Variants in CDR2 observed in about 807,000 individuals in gnomAD.
CDR2 encodes cerebellar degeneration-related protein 2.
CDR2 carries 34 observed loss-of-function variants against 48.4 expected under a neutral mutation model. The observed-to-expected ratio is 0.70, with a 90% confidence interval of 0.53 to 0.94. The LOEUF is 0.94. CDR2 is among the 40% of genes least tolerant of loss of function. CDR2 has a pLI of 0.00. For missense variants in CDR2, 498 were observed against 549.5 expected (o/e 0.91, Z 0.94); for synonymous variants, 240 against 219.7 (o/e 1.09, Z -0.82).
intron 1 of CDR2, among the ~76,000 whole-genome samples, chr16:22,365,959 G>A (rs1445108727): frequency 6.6e-6 from 1 of 152,156 alleles, no homozygotes; most frequent in Non-Finnish European, 1.5e-5. Context: ...TAGTATTCTT[G>A]TTTAGAGAGA....
chr16:22,370,069 T>C (rs1284273822), intron 1 of CDR2, among the ~76,000 whole-genome samples: 1 of 152,196 alleles, frequency 6.6e-6, no homozygotes, highest in African/African-American at 2.4e-5. Flanking sequence ...TTGCAGGTAA[T>C]AATATATTTT....
chr16:22,346,745 A>G lies in CDR2; in HGVS notation c.*220T>C. On this transcript the variant is annotated 3_prime_UTR_variant, in exon 5 of 5. Transcript: ENST00000268383. The stretch of plus-strand genomic sequence containing the variant: ...CTAATCAGCGCGCCAGCCAGAGGCC[A>G]GTTTGTCATGGGATTTCCTGGGGAG... 8.7e-6 allele frequency: 5 copies of G among 576,994 alleles called. No individual in the cohort carries two copies. The highest frequency in any genetic ancestry group is 1.5e-5 in the Non-Finnish European group (5 of 325,380). 35.7% of individuals were successfully genotyped at this position (576,994 alleles called of 1,614,324 possible).
rs1277387051 is a variant in CDR2 at position 22,374,433 on chromosome 16, C to T, written c.-124G>A. 2.3e-6 allele frequency: 1 copy of T among 428,338 alleles called. No individual in the cohort carries two copies. The highest frequency in any genetic ancestry group is 2.1e-5 in the African/African-American group (1 of 46,936). The allele number at this position is 428,338 out of a possible 1,614,324, so 26.5% of individuals were successfully genotyped here. A position where few individuals can be genotyped will look rare whatever the true frequency, so the allele number is the denominator to read the frequency against. Reference sequence around the variant, plus strand: ...CCCTCGGGCGGGACGCGCCGCCGCCCAGACTCCGCTGCGCCGCCTCAGCCC... The same window carrying T: ...CCCTCGGGCGGGACGCGCCGCCGCCTAGACTCCGCTGCGCCGCCTCAGCCC... On this transcript the variant is annotated 5_prime_UTR_variant, in exon 1 of 5. Transcript: ENST00000268383.
At position 22,374,259 on chromosome 16, in the gene CDR2, C is replaced by A; in HGVS notation, c.51G>T (p.Pro17=). ...GCTGGAGGTCCTGGTGGTCGTACCA[C>A]GGCTCGTCCTCCTTCATCTCAAACT... ...VEEFEMKEDE[P]WYDHQDLQQD... Residue 17 remains proline, a synonymous_variant, in exon 1 of 5, where the codon CCG becomes CCT. Transcript: ENST00000268383. 6.2e-7 allele frequency: 1 copy of A among 1,603,584 alleles called. No individual in the cohort carries two copies. Among genetic ancestry groups the A allele is most frequent in the Non-Finnish European group, 8.5e-7 (1 of 1,175,660 alleles).
intron 4 of CDR2, among the ~76,000 whole-genome samples, chr16:22,348,794 A>AC (rs1442685106): frequency 3.3e-5 from 5 of 152,196 alleles, no homozygotes; most frequent in Non-Finnish European, 5.9e-5. Flanking sequence ...CCGTTCCGTT[A>AC]GACTGAAAGC....
chr16:22,365,878 G>A (rs2049042208), intron 1 of CDR2, among the ~76,000 whole-genome samples: 1 of 152,182 alleles, frequency 6.6e-6, no homozygotes, highest in South Asian at 2.1e-4. Context: ...ACTCTGGGCA[G>A]GTAAGTCTCA....
In CDR2 at chr16:22,364,927, T is replaced by C. The variant is rs1180245192; in HGVS notation, c.167A>G (p.Asn56Ser). 25 of 1,610,612 alleles carry C rather than the reference T, an allele frequency of 1.6e-5. No individual in the cohort carries two copies. Among genetic ancestry groups the C allele is most frequent in the East Asian group, 2.2e-5 (1 of 44,866 alleles). Residue 56 changes from asparagine (N) to serine (S), a missense_variant, in exon 2 of 5, where the codon AAT becomes AGT. Asn to Ser is a conservative substitution (Grantham distance 46). Coordinates refer to ENST00000268383, the MANE Select transcript of CDR2 (RefSeq NM_001802.2). ...EDSVQQMYTT[N>S]QEQLQEIEYL... ...CTCAATTTCCTGTAACTGCTCCTGA[T>C]TGGTTGTATACATCTGCTGAACAGA...
Position 22,346,174 on chromosome 16 carries a change from G to A in CDR2, c.*791C>T, listed in dbSNP as rs1212714638. ...GCAAGTCAGCCAGCTCAGAAAACAG[G>A]TAGGAAGGGAAGGGGTTTGATCTTT... On this transcript the variant is annotated 3_prime_UTR_variant, in exon 5 of 5. Coordinates refer to ENST00000268383, the MANE Select transcript of CDR2 (RefSeq NM_001802.2). 6.6e-6 allele frequency: 1 copy of A among 152,398 alleles called. No homozygotes were observed. The highest frequency in any genetic ancestry group is 1.9e-4 in the East Asian group (1 of 5,206). The allele number at this position is 152,398 out of a possible 1,614,324, so 9.4% of individuals were successfully genotyped here.
intron 2 of CDR2, 82 bp downstream of exon 2, chr16:22,364,820 G>C: frequency 1.3e-6 from 1 of 746,728 alleles, no homozygotes; most frequent in Non-Finnish European, 2.3e-6. Flanking sequence ...CTAATTGCAA[G>C]TGCTTTTTTA....
At chr16:22,357,134 G>A (rs2048980209) in intron 2 of CDR2, among the ~76,000 whole-genome samples, 5 of 151,926 alleles carry the variant, frequency 3.3e-5, no homozygotes, top group Admixed American at 3.3e-4. Flanking sequence ...CTGCAATCTT[G>A]GTCTCCCAGG....
At position 22,349,446 on chromosome 16, in the gene CDR2, G is replaced by A. The variant is rs141391117; in HGVS notation, c.342-3C>T. 109 of 1,614,096 alleles carry A rather than the reference G, an allele frequency of 6.8e-5. No individual in the cohort carries two copies. In the African/African-American group the frequency reaches 1.2e-3, roughly 18 times the overall value. ...GGCATTCAATCGTTTCAGTCAGGCTGTGAGGAACAGACAGAAGCCACTGCT... is the reference window on the plus strand; with the variant it reads ...GGCATTCAATCGTTTCAGTCAGGCTATGAGGAACAGACAGAAGCCACTGCT... On this transcript the variant is annotated splice_polypyrimidine_tract_variant and splice_region_variant and intron_variant, in intron 3 of 4. Coordinates refer to ENST00000268383, the MANE Select transcript of CDR2 (RefSeq NM_001802.2).
chr16:22,362,208 A>G (rs747294275), intron 2 of CDR2, among the ~76,000 whole-genome samples: 1 of 152,140 alleles, frequency 6.6e-6, no homozygotes, highest in Non-Finnish European at 1.5e-5. Context: ...GCTGAATTTT[A>G]TACCTATTTA....
At chr16:22,371,990 C>T (rs1447142472) in intron 1 of CDR2, among the ~76,000 whole-genome samples, 2 of 152,080 alleles carry the variant, frequency 1.3e-5, no homozygotes, top group Non-Finnish European at 2.9e-5. Context: ...CCTGCCTCAG[C>T]CTCCCGAGTA....
intron 2 of CDR2, among the ~76,000 whole-genome samples, chr16:22,363,928 G>A (rs2141851283): frequency 6.6e-6 from 1 of 152,178 alleles, no homozygotes; most frequent in South Asian, 2.1e-4. Flanking sequence ...CTGGGCAAAA[G>A]GTATTATATT....
chr16:22,353,715 C>T (rs901264559), intron 2 of CDR2, among the ~76,000 whole-genome samples: 4 of 152,162 alleles, frequency 2.6e-5, no homozygotes, highest in African/African-American at 9.7e-5. Flanking sequence ...TGTCTTGTCA[C>T]TTCTCTAAAA....
At chr16:22,365,865 T>C (rs943609524) in intron 1 of CDR2, among the ~76,000 whole-genome samples, 1 of 152,184 alleles carries the variant, frequency 6.6e-6, no homozygotes, top group Non-Finnish European at 1.5e-5. Context: ...GGAAATGCAC[T>C]GCACTCTGGG....
intron 2 of CDR2, among the ~76,000 whole-genome samples, chr16:22,356,054 C>A (rs1387450906): frequency 6.6e-6 from 1 of 152,102 alleles, no homozygotes; most frequent in African/African-American, 2.4e-5. Context: ...TGATTTACTG[C>A]CTACATTCAT....
intron 2 of CDR2, among the ~76,000 whole-genome samples, chr16:22,362,987 C>G (rs1156303157): frequency 6.8e-6 from 1 of 148,028 alleles, no homozygotes; most frequent in Non-Finnish European, 1.5e-5. Flanking sequence ...GAGTCTTGCT[C>G]TGTTGCCTAG....
In CDR2 at chr16:22,364,887, T is replaced by TG; in HGVS notation, c.192+14dup. On this transcript the variant is annotated intron_variant, in intron 2 of 4. Transcript: ENST00000268383. ...CGAAGTGTCAAAAGTGTAACTCTCC[T>TG]GCCAAGTGAATTACCTCAATTTCCT... 1.3e-6 allele frequency: 2 copies of TG among 1,485,766 alleles called. No individual in the cohort carries two copies. The highest frequency in any genetic ancestry group is 2.3e-5 in the South Asian group (2 of 88,236). 92.0% of individuals were successfully genotyped at this position (1,485,766 alleles called of 1,614,324 possible).
Sources: gnomAD v4.1 joint callset for allele counts (sites outside exome capture counted in the v4.1 genomes callset) on GRCh38, gnomAD v4.1.1 for gene constraint, MANE v1.5 for transcripts, NCBI Gene and HGNC (gene_info 2026-07-23, HGNC 2026-07-21) for gene names.